The following ACTR3C variants were observed in gnomAD, a reference collection of about 807,000 sequenced individuals.
ACTR3C encodes the protein actin-related protein 3C.
In ACTR3C, 18 loss-of-function variants were observed where a neutral mutation model predicts 26.3. The ratio of observed to expected loss-of-function variants is 0.68; its 90% confidence interval spans 0.47 to 1.01. The LOEUF is 1.01. ACTR3C is among the 50% of genes least tolerant of loss of function. The pLI, the probability that ACTR3C is intolerant of heterozygous loss-of-function variation, is 0.00. For synonymous variants in ACTR3C, 55 were observed against 94.5 expected (o/e 0.58, Z 2.42); for missense variants, 184 against 250.7 (o/e 0.73, Z 1.80).
the ACTR3C span, among the ~76,000 whole-genome samples, chr7:149,986,267 C>T: frequency 6.6e-6 from 1 of 152,140 alleles, no homozygotes; most frequent in East Asian, 1.9e-4. Flanking sequence ...TCCCCTTTCT[C>T]GCTCATCCCA....
At chr7:150,148,414 T>C in the ACTR3C span, among the ~76,000 whole-genome samples, 40 of 151,904 alleles carry the variant, frequency 2.6e-4, no homozygotes, top group Non-Finnish European at 5.1e-4. Flanking sequence ...GAGGCAGAGG[T>C]TGCAGTGAGC....
the ACTR3C span, among the ~76,000 whole-genome samples, chr7:150,003,607 T>C: frequency 1.6e-3 from 248 of 152,162 alleles, no homozygotes; most frequent in African/African-American, 5.7e-3. Flanking sequence ...TGGTATGTTA[T>C]CTGGTGTGTG....
At chr7:150,006,185 A>AATTAATTTATTTATTTATTTATTTATTT in the ACTR3C span, among the ~76,000 whole-genome samples, 95 of 139,096 alleles carry the variant, frequency 6.8e-4, no homozygotes, top group Non-Finnish European at 1.2e-3. Flanking sequence ...AATTGCACAG[A>AATTAATTTATTTATTTATTTATTTATTT]ATTTATTTAT....
chr7:150,178,483 C>T, the ACTR3C span, among the ~76,000 whole-genome samples: 4 of 150,208 alleles, frequency 2.7e-5, no homozygotes, highest in Non-Finnish European at 5.9e-5. Flanking sequence ...AGGGTTTCAC[C>T]ATATTGGTCA....
chr7:150,239,536 C>CTATATATATA (rs1306541257), downstream of ACTR3C, among the ~76,000 whole-genome samples: 6 of 112,964 alleles, frequency 5.3e-5, no homozygotes, highest in East Asian at 9.9e-4. Context: ...CTCTCTCTCT[C>CTATATATATA]TCTCTATATA....
chr7:150,319,778 T>G (rs932806386), intron 1 of ACTR3C, among the ~76,000 whole-genome samples: 1 of 152,200 alleles, frequency 6.6e-6, no homozygotes, highest in Admixed American at 6.5e-5. Context: ...TAGCAGCTAA[T>G]GTAGCTACTT....
chr7:150,141,612 G>A, the ACTR3C span, among the ~76,000 whole-genome samples: 7 of 152,050 alleles, frequency 4.6e-5, no homozygotes, highest in South Asian at 8.3e-4. Context: ...ACGGAGAGGA[G>A]GCCAGGTTCT....
the ACTR3C span, among the ~76,000 whole-genome samples, chr7:150,115,804 C>T: frequency 1.3e-5 from 2 of 152,212 alleles, no homozygotes; most frequent in Non-Finnish European, 2.9e-5. Flanking sequence ...CCTGTGTGTT[C>T]AGCAAAGGCT....
the ACTR3C span, among the ~76,000 whole-genome samples, chr7:149,996,089 A>G: frequency 6.6e-6 from 1 of 152,174 alleles, no homozygotes; most frequent in African/African-American, 2.4e-5. Context: ...GAGGCTGGAA[A>G]GGCATGTTGG....
At chr7:150,054,214 T>A in the ACTR3C span, among the ~76,000 whole-genome samples, 1 of 152,168 alleles carries the variant, frequency 6.6e-6, no homozygotes, top group Non-Finnish European at 1.5e-5. Context: ...CATCTTTGAG[T>A]TCTAAATGGA....
chr7:150,249,345 A>G (rs1364618257), intron 6 of ACTR3C, among the ~76,000 whole-genome samples: 3 of 152,254 alleles, frequency 2.0e-5, no homozygotes, highest in African/African-American at 7.2e-5. Flanking sequence ...TGAAAGGGAA[A>G]TAAAGAGGTT....
At chr7:150,034,602 C>A in the ACTR3C span, among the ~76,000 whole-genome samples, 3 of 151,706 alleles carry the variant, frequency 2.0e-5, no homozygotes, top group African/African-American at 4.8e-5. Context: ...CGGTAGATTG[C>A]AAATAACCTG....
At chr7:150,276,949 G>A (rs2373756) in intron 6 of ACTR3C, among the ~76,000 whole-genome samples, 10 of 152,226 alleles carry the variant, frequency 6.6e-5, no homozygotes, top group African/African-American at 2.4e-4. Context: ...GACACTAACC[G>A]AGGTGTTGCT....
intron 4 of ACTR3C, 40 bp from the exon 5 acceptor site, chr7:150,286,580 T>G (rs1399762148): frequency 6.3e-7 from 1 of 1,598,650 alleles, no homozygotes; most frequent in African/African-American, 1.4e-5. Flanking sequence ...CATTAACAAC[T>G]GCCCAGTGTC....
intron 2 of ACTR3C, among the ~76,000 whole-genome samples, chr7:150,293,828 CG>C (rs1836497965): frequency 6.6e-6 from 1 of 152,080 alleles, no homozygotes; most frequent in South Asian, 2.1e-4. Flanking sequence ...CCCAGCTACT[CG>C]GGAGACTGAG....
chr7:150,072,893 G>T, the ACTR3C span, among the ~76,000 whole-genome samples: 1 of 152,074 alleles, frequency 6.6e-6, no homozygotes, highest in African/African-American at 2.4e-5. Context: ...ATAAGGGGAA[G>T]AAGGGACAAA....
the ACTR3C span, among the ~76,000 whole-genome samples, chr7:150,090,155 T>C: frequency 2.0e-5 from 3 of 152,242 alleles, no homozygotes; most frequent in African/African-American, 4.8e-5. Flanking sequence ...AGCTCATTAA[T>C]TCATGAGAAA....
chr7:150,298,290 CAA>C (rs1442726653), intron 1 of ACTR3C, among the ~76,000 whole-genome samples: 3 of 150,000 alleles, frequency 2.0e-5, no homozygotes, highest in Non-Finnish European at 4.4e-5. Context: ...CAATACAAAG[CAA>C]AGAGAAAAAT....
chr7:149,975,926 C>G, the ACTR3C span, among the ~76,000 whole-genome samples: 1 of 152,130 alleles, frequency 6.6e-6, no homozygotes, highest in African/African-American at 2.4e-5. Flanking sequence ...AAAGTGAGAT[C>G]TGGGTGGGGA....
Sources: gnomAD v4.1 joint callset for allele counts (sites outside exome capture counted in the v4.1 genomes callset) on GRCh38, gnomAD v4.1.1 for gene constraint, MANE v1.5 for transcripts, NCBI Gene and HGNC (gene_info 2026-07-23, HGNC 2026-07-21) for gene names.